The following GFPT1 variants were observed in gnomAD, a reference collection of about 807,000 sequenced individuals.
GFPT1 encodes the protein glutamine--fructose-6-phosphate aminotransferase [isomerizing] 1.
GFPT1 carries 40 observed loss-of-function variants against 92.0 expected under a neutral mutation model. The observed-to-expected ratio is 0.43, with a 90% CI of 0.34 to 0.57. GFPT1 has a LOEUF of 0.57. Among genes scored for constraint, GFPT1 ranks in the 20% least tolerant of loss-of-function variants. GFPT1 has a pLI of 0.02. For missense variants in GFPT1, 448 were observed against 869.1 expected (o/e 0.52, Z 6.09); for synonymous variants, 269 against 280.6 (o/e 0.96, Z 0.41).
chr2:69,358,300 T>A (rs1444447740), intron 6 of GFPT1, 29 bp downstream of exon 6: 8 of 1,584,430 alleles, frequency 5.0e-6, no homozygotes, highest in East Asian at 4.5e-5. Flanking sequence ...AATGTTGGCA[T>A]AATTATCTTT....
intron 4 of GFPT1, among the ~76,000 whole-genome samples, chr2:69,362,967 C>T (rs1671512119): frequency 6.6e-6 from 1 of 151,972 alleles, no homozygotes. Flanking sequence ...AGTTCTCAGC[C>T]AGGAGCAGTG....
At chr2:69,328,239 C>T (rs747945265) in intron 18 of GFPT1, 32 bp downstream of exon 18, 2 of 1,570,800 alleles carry the variant, frequency 1.3e-6, no homozygotes, top group South Asian at 2.2e-5. Flanking sequence ...CCTCTTTGAT[C>T]CCCAAGGTGT....
intron 15 of GFPT1, among the ~76,000 whole-genome samples, chr2:69,334,342 A>T (rs1247833831): frequency 6.6e-6 from 1 of 152,102 alleles, no homozygotes; most frequent in East Asian, 1.9e-4. Context: ...TGAAATACTA[A>T]ATTGCCATAC....
rs1671710075 is a variant in GFPT1 at position 69,370,165 on chromosome 2, T to C, written c.116-57A>G. ...TAGAAACTGGCTACTGATAAAATTA[T>C]TAATGTGAGGCAAAATTTTTAATTA... On this transcript the variant is annotated intron_variant, in intron 2 of 19. Transcript: ENST00000357308. 19 of 1,012,970 alleles carry C rather than the reference T, an allele frequency of 1.9e-5. No individual in the cohort carries two copies. In the South Asian group the frequency reaches 2.4e-4, roughly 13 times the overall value. The allele number at this position is 1,012,970 out of a possible 1,614,324, so 62.7% of individuals were successfully genotyped here.
At position 69,359,338 on chromosome 2, in the gene GFPT1, A is replaced by G. The variant is rs781026590; in HGVS notation, c.350-12T>C. Reference sequence around the variant, plus strand: ...AATAACGATAAATTCTAAAAGAGGTAAAAGTGTTGAAGACAAAAAAGTTAG... The same window carrying G: ...AATAACGATAAATTCTAAAAGAGGTGAAAGTGTTGAAGACAAAAAAGTTAG... On this transcript the variant is annotated splice_polypyrimidine_tract_variant and intron_variant, in intron 4 of 19. Transcript: ENST00000357308. The G allele has an allele frequency of 6.8e-7, 1 of 1,470,568 alleles. No homozygotes were observed. The highest frequency in any genetic ancestry group is 1.4e-5 in the African/African-American group (1 of 72,216). The allele number at this position is 1,470,568 out of a possible 1,614,324, so 91.1% of individuals were successfully genotyped here. A position where few individuals can be genotyped will look rare whatever the true frequency, so the allele number is the denominator to read the frequency against.
intron 11 of GFPT1, 39 bp downstream of exon 11, chr2:69,348,132 A>G (rs1671126883): frequency 1.3e-6 from 2 of 1,488,002 alleles, no homozygotes; most frequent in Non-Finnish European, 1.9e-6. Context: ...TATTCTTTCC[A>G]GTAAGGACAG....
At chr2:69,382,304 T>C (rs192675070) in intron 1 of GFPT1, among the ~76,000 whole-genome samples, 1 of 152,306 alleles carries the variant, frequency 6.6e-6, no homozygotes, top group Admixed American at 6.5e-5. Flanking sequence ...TTATTCAACT[T>C]ACAGACAAAG....
In GFPT1 at chr2:69,341,982, T is replaced by C. The variant is rs536936416; in HGVS notation, c.1203+170A>G. Among the ~76,000 whole-genome samples the C allele has an allele frequency of 5.9e-5, 9 of 152,312 alleles. No homozygotes were observed. The South Asian group carries it at 1.9e-3, about 32-fold the overall frequency. The stretch of plus-strand genomic sequence containing the variant: ...TTTCTACAGATCTTCCATGGATAAA[T>C]AATTCCAAGCAGCTGGTAAATTTCT... On this transcript the variant is annotated intron_variant, in intron 13 of 19. Transcript: ENST00000357308.
chr2:69,358,207 T>C (rs1202735499), intron 6 of GFPT1, 122 bp downstream of exon 6: 10 of 755,934 alleles, frequency 1.3e-5, no homozygotes, highest in Non-Finnish European at 2.0e-5. Flanking sequence ...CTTGAATAGT[T>C]ATATGAGAAA....
chr2:69,321,734 C>A lies in GFPT1; in HGVS notation c.*4455G>T, dbSNP rs1041919042. The A allele has an allele frequency of 2.0e-5, 3 of 152,162 alleles. No individual in the cohort carries two copies. Among genetic ancestry groups the A allele is most frequent in the Admixed American group, 1.3e-4 (2 of 15,278 alleles). The allele number at this position is 152,162 out of a possible 1,614,324, so 9.4% of individuals were successfully genotyped here. On this transcript the variant is annotated 3_prime_UTR_variant, in exon 20 of 20. Transcript: ENST00000357308. ...TTTATTTAAGCAAAAACACATTCAA[C>A]CACAGAACATTCAGAAAGCTAACAG...
At chr2:69,381,486 T>C (rs1305277595) in intron 1 of GFPT1, among the ~76,000 whole-genome samples, 1 of 151,946 alleles carries the variant, frequency 6.6e-6, no homozygotes, top group East Asian at 1.9e-4. Context: ...CTTCTCATCC[T>C]TCCTTGTAAT....
rs147760209 is a variant in GFPT1 at position 69,376,429 on chromosome 2, T to A, written c.8-2316A>T. On this transcript the variant is annotated intron_variant, in intron 1 of 19. Coordinates refer to ENST00000357308, the MANE Select transcript of GFPT1 (RefSeq NM_001244710.2). ...GTAGGCTGAGACGGGGAGAATCACT[T>A]GAACCCTTGAACCCAGGAGGCGGAG... Among the ~76,000 whole-genome samples, 13 of 152,028 alleles carry A rather than the reference T, an allele frequency of 8.6e-5. No homozygotes were observed. The East Asian group carries it at 9.7e-4, about 11-fold the overall frequency.
chr2:69,334,688 T>G (rs1670750262), intron 15 of GFPT1: 2 of 152,214 alleles, frequency 1.3e-5, no homozygotes, highest in Non-Finnish European at 2.9e-5. Flanking sequence ...TTTAACTGGC[T>G]TTATTTAAAA....
chr2:69,331,235 T>C (rs1670655109), intron 15 of GFPT1, among the ~76,000 whole-genome samples: 1 of 152,214 alleles, frequency 6.6e-6, no homozygotes, highest in South Asian at 2.1e-4. Context: ...ATATCTTGAA[T>C]CCTAAAGCTA....
chr2:69,385,126 GGA>G (rs1446211893), intron 1 of GFPT1, among the ~76,000 whole-genome samples: 1 of 152,096 alleles, frequency 6.6e-6, no homozygotes, highest in Non-Finnish European at 1.5e-5. Flanking sequence ...TCTATGGAAT[GGA>G]GACACAAACT....
chr2:69,373,916 C>A (rs957522997), intron 2 of GFPT1, 90 bp downstream of exon 2: 20 of 689,164 alleles, frequency 2.9e-5, no homozygotes, highest in Middle Eastern at 2.7e-4. Context: ...CAAAACAAAA[C>A]AGACTTTAAT....
chr2:69,362,646 A>G (rs1007011162), intron 4 of GFPT1, among the ~76,000 whole-genome samples: 1 of 151,768 alleles, frequency 6.6e-6, no homozygotes, highest in African/African-American at 2.4e-5. Flanking sequence ...AAATACAAAA[A>G]ATTACCCGGG....
chr2:69,362,676 A>T (rs1195655084), intron 4 of GFPT1, among the ~76,000 whole-genome samples: 2 of 152,002 alleles, frequency 1.3e-5, no homozygotes, highest in South Asian at 4.1e-4. Flanking sequence ...ACACACCTGT[A>T]GTCCCAGCTA....
At chr2:69,360,278 G>A (rs1261525509) in intron 4 of GFPT1, among the ~76,000 whole-genome samples, 3 of 141,124 alleles carry the variant, frequency 2.1e-5, no homozygotes, top group African/African-American at 8.1e-5. Context: ...GCAGTGAGCC[G>A]AGATCCCACC....
Sources: allele counts gnomAD v4.1 joint callset (sites outside exome capture counted in the v4.1 genomes callset), GRCh38; gene constraint gnomAD v4.1.1; transcripts MANE v1.5; gene names NCBI Gene and HGNC (gene_info 2026-07-23, HGNC 2026-07-21).